The following LDB2 variants were observed in gnomAD, a reference collection of about 807,000 sequenced individuals.
LDB2 encodes LIM domain binding 2.
In LDB2, 12 loss-of-function variants were observed where a neutral mutation model predicts 44.3. That is an observed-to-expected ratio of 0.27 (90% CI 0.17 to 0.44). The LOEUF is 0.44. Among genes scored for constraint, LDB2 ranks in the 20% least tolerant of loss-of-function variants. The pLI is 1.00. For missense variants in LDB2, 344 were observed against 473.5 expected, an observed-to-expected ratio of 0.73 and a Z score of 2.54; for synonymous variants, 164 against 174.8, an observed-to-expected ratio of 0.94 and a Z score of 0.49.
chr4:16,897,950 A>G lies in LDB2; in HGVS notation c.132+404T>C, dbSNP rs1388004999. Among the ~76,000 whole-genome samples the G allele has an allele frequency of 6.4e-3, 401 of 62,352 alleles. 9 individuals carry two copies. The highest frequency in any genetic ancestry group is 0.011 in the Non-Finnish European group (338 of 29,410). The allele number at this position is 62,352 out of a possible 152,430, so 40.9% of individuals were successfully genotyped here. ...TATATATATATATACACATATGTAT[A>G]TATATATATATATATATATATATAC... On this transcript the variant is annotated intron_variant, in intron 1 of 7. Transcript: ENST00000304523.
chr4:16,870,195 A>C (rs1303273592), intron 1 of LDB2, among the ~76,000 whole-genome samples: 3 of 152,224 alleles, frequency 2.0e-5, no homozygotes, highest in Non-Finnish European at 2.9e-5. Context: ...TAACCATATC[A>C]ATAGGAGGGA....
intron 1 of LDB2, among the ~76,000 whole-genome samples, chr4:16,844,083 T>G (rs962025282): frequency 1.4e-4 from 13 of 92,326 alleles, no homozygotes; most frequent in Non-Finnish European, 2.4e-4. Flanking sequence ...CAAGACCCCA[T>G]CTCTAAAAAA....
intron 2 of LDB2, among the ~76,000 whole-genome samples, chr4:16,667,266 T>C (rs937246484): frequency 6.6e-6 from 1 of 152,158 alleles, no homozygotes; most frequent in African/African-American, 2.4e-5. Flanking sequence ...TCTCAATGTT[T>C]CCCAAGCTTC....
chr4:16,717,286 A>G (rs530148074), intron 2 of LDB2, among the ~76,000 whole-genome samples: 19 of 152,252 alleles, frequency 1.2e-4, no homozygotes, highest in Non-Finnish European at 2.2e-4. Context: ...CGCAGGGGAA[A>G]CAATAACTCT....
chr4:16,810,575 A>G (rs1872002), intron 1 of LDB2, among the ~76,000 whole-genome samples: 7,700 of 27,204 alleles, frequency 0.28, 427 homozygotes, highest in Middle Eastern at 0.55. Context: ...AGGTTTTCAG[A>G]GAGGTTCATG....
At chr4:16,637,299 ATT>A (rs34484721) in intron 2 of LDB2, among the ~76,000 whole-genome samples, 50 of 85,498 alleles carry the variant, frequency 5.8e-4, no homozygotes, top group African/African-American at 1.4e-3. Flanking sequence ...GCCTAGGCTG[ATT>A]TTTTTTTTTT....
chr4:16,814,898 C>G (rs766178069), intron 1 of LDB2, among the ~76,000 whole-genome samples: 2 of 152,118 alleles, frequency 1.3e-5, no homozygotes, highest in Non-Finnish European at 2.9e-5. Context: ...CTTTTTCGAA[C>G]TTGCAGAAGT....
At chr4:16,870,960 C>T (rs1266122738) in intron 1 of LDB2, among the ~76,000 whole-genome samples, 1 of 152,138 alleles carries the variant, frequency 6.6e-6, no homozygotes, top group East Asian at 1.9e-4. Context: ...ACCCAAAAAG[C>T]CTATCTCTGA....
chr4:16,604,587 G>A (rs1227176807), intron 2 of LDB2, among the ~76,000 whole-genome samples: 1 of 151,068 alleles, frequency 6.6e-6, no homozygotes, highest in Non-Finnish European at 1.5e-5. Context: ...GAGGGAAGTA[G>A]CGAGCATTCT....
At chr4:16,813,079 C>A (rs1285209197) in intron 1 of LDB2, among the ~76,000 whole-genome samples, 2 of 151,920 alleles carry the variant, frequency 1.3e-5, no homozygotes, top group Non-Finnish European at 2.9e-5. Context: ...CTCACTGCAA[C>A]CTTCCCCTTG....
intron 2 of LDB2, among the ~76,000 whole-genome samples, chr4:16,667,441 G>C (rs763578504): frequency 3.3e-5 from 5 of 152,170 alleles, no homozygotes; most frequent in Non-Finnish European, 7.3e-5. Context: ...CTGAGATCTA[G>C]AGGTGGGACA....
At chr4:16,814,150 G>A (rs1465184904) in intron 1 of LDB2, among the ~76,000 whole-genome samples, 2 of 152,184 alleles carry the variant, frequency 1.3e-5, no homozygotes, top group East Asian at 1.9e-4. Context: ...GATTACAGGC[G>A]TGAGCCACCG....
At chr4:16,628,554 T>C (rs186026520) in intron 2 of LDB2, among the ~76,000 whole-genome samples, 1 of 152,200 alleles carries the variant, frequency 6.6e-6, no homozygotes, top group Admixed American at 6.5e-5. Context: ...CTACCCGTCC[T>C]CTGGTGAGTT....
chr4:16,785,781 G>T (rs1774292549), intron 1 of LDB2, among the ~76,000 whole-genome samples: 1 of 152,084 alleles, frequency 6.6e-6, no homozygotes, highest in Admixed American at 6.5e-5. Context: ...TACTTAGAAG[G>T]CTTATCTTCT....
chr4:16,563,211 TATAATA>T (rs918818723), intron 5 of LDB2, among the ~76,000 whole-genome samples: 4 of 150,800 alleles, frequency 2.7e-5, no homozygotes, highest in Non-Finnish European at 4.4e-5. Context: ...AAACTTAAAG[TATAATA>T]ATAATAATAA....
At chr4:16,871,074 G>A (rs1227564652) in intron 1 of LDB2, among the ~76,000 whole-genome samples, 1 of 152,190 alleles carries the variant, frequency 6.6e-6, no homozygotes, top group Non-Finnish European at 1.5e-5. Flanking sequence ...CAGAAATTTT[G>A]TGAGACAGCC....
intron 5 of LDB2, among the ~76,000 whole-genome samples, chr4:16,575,520 A>T (rs28391485): frequency 6.6e-6 from 1 of 152,172 alleles, no homozygotes; most frequent in Non-Finnish European, 1.5e-5. Flanking sequence ...TCCTTGGCAC[A>T]TGGATGATTC....
In LDB2 at chr4:16,587,233, C is replaced by T. The variant is rs546599893; in HGVS notation, c.532-1228G>A. ...ACCGGTGATGATGATGAGAGCCAAT[C>T]GCCAAAACCTGTAGAGGACACACTA... On this transcript the variant is annotated intron_variant, in intron 4 of 7. Coordinates refer to ENST00000304523, the MANE Select transcript of LDB2 (RefSeq NM_001290.5). 1.7e-4 allele frequency among the ~76,000 whole-genome samples: 26 copies of T among 152,270 alleles called. No individual in the cohort carries two copies. In the South Asian group the frequency reaches 5.2e-3, roughly 30 times the overall value.
chr4:16,748,688 A>G (rs1764849856), intron 2 of LDB2, among the ~76,000 whole-genome samples: 1 of 152,204 alleles, frequency 6.6e-6, no homozygotes. Context: ...GGCTCACTCC[A>G]CTAAACCAAA....
Sources: allele counts gnomAD v4.1 joint callset (sites outside exome capture counted in the v4.1 genomes callset), GRCh38; gene constraint gnomAD v4.1.1; transcripts MANE v1.5; gene names NCBI Gene and HGNC (gene_info 2026-07-23, HGNC 2026-07-21).